The following SH3BGRL2 variants were observed in gnomAD, a reference collection of about 807,000 sequenced individuals.
The protein encoded by SH3BGRL2 is SH3 domain binding glutamate rich protein like 2.
SH3BGRL2 carries 21 observed loss-of-function variants against 14.8 expected under a neutral mutation model. The observed-to-expected ratio is 1.42, with a 90% CI of 1.01 to 2.05. The LOEUF (loss-of-function observed/expected upper bound fraction) is 2.05. Among genes scored for constraint, SH3BGRL2 ranks in the 30% most tolerant of loss-of-function variants. SH3BGRL2 has a pLI of 0.00. For missense variants in SH3BGRL2, 147 were observed against 130.8 expected (o/e 1.12, Z -0.61); for synonymous variants, 50 against 47.8 (o/e 1.05, Z -0.19).
intron 1 of SH3BGRL2, among the ~76,000 whole-genome samples, chr6:79,652,764 G>A (rs1397582411): frequency 6.6e-6 from 1 of 152,026 alleles, no homozygotes; most frequent in East Asian, 1.9e-4. Context: ...TTTTAAAGCA[G>A]GAACTATAAT....
chr6:79,577,031 A>G, the SH3BGRL2 span, among the ~76,000 whole-genome samples: 1 of 152,204 alleles, frequency 6.6e-6, no homozygotes, highest in African/African-American at 2.4e-5. Flanking sequence ...CTTTTTGTGC[A>G]TAGTACAAGG....
the SH3BGRL2 span, among the ~76,000 whole-genome samples, chr6:79,597,883 A>G: frequency 6.6e-6 from 1 of 152,234 alleles, no homozygotes; most frequent in African/African-American, 2.4e-5. Context: ...TGTATGTAAG[A>G]CATATTACAA....
chr6:79,658,616 T>A (rs1480179059), intron 1 of SH3BGRL2, among the ~76,000 whole-genome samples: 3 of 152,244 alleles, frequency 2.0e-5, no homozygotes, highest in Admixed American at 6.5e-5. Context: ...TGTGCATGTG[T>A]CTTTATAGTA....
chr6:79,661,751 A>G (rs1418208319), intron 1 of SH3BGRL2, among the ~76,000 whole-genome samples: 1 of 152,026 alleles, frequency 6.6e-6, no homozygotes, highest in Non-Finnish European at 1.5e-5. Flanking sequence ...TCCCATTATT[A>G]TTGTGTGGGA....
chr6:79,685,244 C>T (rs1206731648), intron 2 of SH3BGRL2, among the ~76,000 whole-genome samples: 1 of 152,186 alleles, frequency 6.6e-6, no homozygotes, highest in Non-Finnish European at 1.5e-5. Flanking sequence ...GCATGGCTAG[C>T]AGTATATCTT....
chr6:79,646,927 A>G (rs149586781), intron 1 of SH3BGRL2, among the ~76,000 whole-genome samples: 1 of 152,338 alleles, frequency 6.6e-6, no homozygotes, highest in African/African-American at 2.4e-5. Context: ...GAGTTTGTTT[A>G]TCCATTTATC....
chr6:79,600,746 C>T, the SH3BGRL2 span, among the ~76,000 whole-genome samples: 1 of 152,224 alleles, frequency 6.6e-6, no homozygotes, highest in Non-Finnish European at 1.5e-5. Flanking sequence ...AATATAGACA[C>T]TGTCTATCTT....
the SH3BGRL2 span, among the ~76,000 whole-genome samples, chr6:79,617,505 A>G: frequency 1.4e-3 from 211 of 152,276 alleles, 4 homozygotes; most frequent in African/African-American, 4.6e-3. Flanking sequence ...AAAGGTCTTT[A>G]TACTTTTGTT....
At chr6:79,591,517 C>G in the SH3BGRL2 span, among the ~76,000 whole-genome samples, 1 of 152,304 alleles carries the variant, frequency 6.6e-6, no homozygotes, top group South Asian at 2.1e-4. Flanking sequence ...AAGCGATTCC[C>G]CTACCTCAGC....
chr6:79,567,214 T>C, the SH3BGRL2 span, among the ~76,000 whole-genome samples: 1,182 of 152,014 alleles, frequency 7.8e-3, 10 homozygotes, highest in Non-Finnish European at 0.011. Context: ...GTCTTTGTTA[T>C]AGAAAAATTA....
the SH3BGRL2 span, among the ~76,000 whole-genome samples, chr6:79,537,684 C>T: frequency 1.4e-4 from 21 of 151,980 alleles, no homozygotes; most frequent in African/African-American, 3.9e-4. Flanking sequence ...GCGTCGTGGG[C>T]TCCGAGAGGG....
the SH3BGRL2 span, among the ~76,000 whole-genome samples, chr6:79,617,067 C>A: frequency 6.6e-6 from 1 of 151,942 alleles, no homozygotes; most frequent in African/African-American, 2.4e-5. Flanking sequence ...TGTCTGTAAT[C>A]CCAGCTACCC....
chr6:79,553,996 A>T, the SH3BGRL2 span, among the ~76,000 whole-genome samples: 1 of 151,856 alleles, frequency 6.6e-6, no homozygotes, highest in African/African-American at 2.4e-5. Context: ...GAAAAGAGAA[A>T]GAAAATTATA....
intron 1 of SH3BGRL2, among the ~76,000 whole-genome samples, chr6:79,657,443 G>A (rs1052921171): frequency 6.6e-6 from 1 of 152,184 alleles, no homozygotes; most frequent in African/African-American, 2.4e-5. Context: ...AACCAGAAGA[G>A]GATGTGGCTC....
chr6:79,649,569 C>A (rs1442867073), intron 1 of SH3BGRL2, among the ~76,000 whole-genome samples: 1 of 152,102 alleles, frequency 6.6e-6, no homozygotes, highest in Non-Finnish European at 1.5e-5. Flanking sequence ...CTTCTTTTTA[C>A]CTTTCATTAT....
At chr6:79,635,343 G>A (rs543163612) in intron 1 of SH3BGRL2, among the ~76,000 whole-genome samples, 2 of 152,340 alleles carry the variant, frequency 1.3e-5, no homozygotes, top group Non-Finnish European at 2.9e-5. Flanking sequence ...TTTTCCGGAA[G>A]CCATTTATGT....
intron 1 of SH3BGRL2, among the ~76,000 whole-genome samples, chr6:79,663,723 G>A (rs1193814906): frequency 6.6e-6 from 1 of 152,248 alleles, no homozygotes; most frequent in African/African-American, 2.4e-5. Flanking sequence ...GGACGTTTAA[G>A]TCTGCAGAAG....
chr6:79,641,574 A>G (rs917726187), intron 1 of SH3BGRL2, among the ~76,000 whole-genome samples: 19 of 152,150 alleles, frequency 1.2e-4, no homozygotes, highest in African/African-American at 3.9e-4. Context: ...TAGCCTCTTC[A>G]TTTGTGTAAG....
At chr6:79,611,309 T>C in the SH3BGRL2 span, among the ~76,000 whole-genome samples, 3 of 152,148 alleles carry the variant, frequency 2.0e-5, no homozygotes, top group Admixed American at 1.3e-4. Context: ...AAAATGATAA[T>C]TGTTGCTATT....
Sources: allele counts gnomAD v4.1 joint callset (sites outside exome capture counted in the v4.1 genomes callset), GRCh38; gene constraint gnomAD v4.1.1; transcripts MANE v1.5; gene names NCBI Gene and HGNC (gene_info 2026-07-23, HGNC 2026-07-21).